Variants in SOX5 observed in about 807,000 individuals in gnomAD.
SOX5 encodes SRY-box transcription factor 5, also known as transcription factor SOX-5.
SOX5 carries 9 observed loss-of-function variants against 92.0 expected under a neutral mutation model. That is an observed-to-expected ratio of 0.10 (90% CI 0.06 to 0.17). The LOEUF (loss-of-function observed/expected upper bound fraction) is 0.17, where lower values mean the gene tolerates loss of function less well. Ranked by LOEUF, SOX5 falls within the 10% of genes least tolerant of loss-of-function variation. SOX5 has a pLI of 1.00. For synonymous variants in SOX5, 344 were observed against 336.3 expected, an observed-to-expected ratio of 1.02 and a Z score of -0.25; for missense variants, 642 against 944.5, an observed-to-expected ratio of 0.68 and a Z score of 4.20.
At chr12:24,375,103 G>C (rs1387192659) in intron 1 of SOX5, among the ~76,000 whole-genome samples, 1 of 151,940 alleles carries the variant, frequency 6.6e-6, no homozygotes, top group Non-Finnish European at 1.5e-5. Flanking sequence ...CTCCCGAGTA[G>C]CTGGAACTAC....
At chr12:24,264,748 T>G (rs1429100372) in intron 3 of SOX5, among the ~76,000 whole-genome samples, 1 of 152,210 alleles carries the variant, frequency 6.6e-6, no homozygotes, top group Non-Finnish European at 1.5e-5. Flanking sequence ...GCTCATGAGA[T>G]AACTGCTTCA....
rs567837659 is a variant in SOX5, at chr12:23,754,983, T to C, written c.568+655A>G. ...CCTACTAGCAACAAATAGAAAACTA[T>C]CATAGATTGCCTACTGTGTTTTGAG... On this transcript the variant is annotated intron_variant, in intron 4 of 14. Transcript: ENST00000451604. Among the ~76,000 whole-genome samples, 334 of 105,166 alleles carry C rather than the reference T, an allele frequency of 3.2e-3. 1 individual carries two copies. The highest frequency in any genetic ancestry group is 5.5e-3 in the Admixed American group (67 of 12,232). The allele number at this position is 105,166 out of a possible 152,430, so 69.0% of individuals were successfully genotyped here.
At chr12:24,465,206 C>T (rs1944091637) in intron 1 of SOX5, among the ~76,000 whole-genome samples, 1 of 152,212 alleles carries the variant, frequency 6.6e-6, no homozygotes. Context: ...CCCAAAACCA[C>T]ACAACTAATA....
At chr12:24,324,079 T>TAAG (rs1199659350) in intron 2 of SOX5, among the ~76,000 whole-genome samples, 1 of 152,182 alleles carries the variant, frequency 6.6e-6, no homozygotes, top group African/African-American at 2.4e-5. Flanking sequence ...TCCACGCTGC[T>TAAG]AAGAAGTAGA....
chr12:24,228,123 G>C (rs1008928291), intron 3 of SOX5, among the ~76,000 whole-genome samples: 1 of 152,188 alleles, frequency 6.6e-6, no homozygotes, highest in African/African-American at 2.4e-5. Context: ...GAGAGCTCTA[G>C]ATTTCCCTGT....
At chr12:24,367,276 CATT>C (rs1565999463) in intron 2 of SOX5, among the ~76,000 whole-genome samples, 2 of 152,238 alleles carry the variant, frequency 1.3e-5, no homozygotes, top group East Asian at 3.9e-4. Flanking sequence ...GAATATCCAT[CATT>C]AAGGCTGATT....
At chr12:24,496,463 G>C (rs74070906) in intron 1 of SOX5, among the ~76,000 whole-genome samples, 1 of 152,014 alleles carries the variant, frequency 6.6e-6, no homozygotes, top group African/African-American at 2.4e-5. Flanking sequence ...TTCACTCTTA[G>C]GTCTAAGGAA....
chr12:23,822,803 G>C (rs940125202), intron 3 of SOX5, among the ~76,000 whole-genome samples: 1 of 152,104 alleles, frequency 6.6e-6, no homozygotes, highest in Non-Finnish European at 1.5e-5. Flanking sequence ...GAATCTGGGT[G>C]CTCCTGTATT....
intron 1 of SOX5, among the ~76,000 whole-genome samples, chr12:24,379,099 C>A (rs1304794768): frequency 6.6e-6 from 1 of 152,204 alleles, no homozygotes; most frequent in Non-Finnish European, 1.5e-5. Context: ...TTCCAACATA[C>A]ACTGCACCCA....
intron 10 of SOX5, among the ~76,000 whole-genome samples, chr12:23,572,163 A>C (rs1948471714): frequency 2.6e-5 from 4 of 152,192 alleles, no homozygotes; most frequent in Admixed American, 2.6e-4. Context: ...GTCACTTTCT[A>C]TATTTGTAGC....
At chr12:23,551,426 C>A (rs1944193149) in intron 11 of SOX5, among the ~76,000 whole-genome samples, 1 of 151,784 alleles carries the variant, frequency 6.6e-6, no homozygotes, top group Non-Finnish European at 1.5e-5. Flanking sequence ...CATCTACCCA[C>A]ATAATATAAC....
In SOX5 at chr12:23,896,325, A is replaced by G. The variant is rs555747537; in HGVS notation, c.39-301T>C. Among the ~76,000 whole-genome samples, 6 of 152,290 alleles carry G rather than the reference A, an allele frequency of 3.9e-5. No individual in the cohort carries two copies. The East Asian group carries it at 1.2e-3, about 29-fold the overall frequency. On this transcript the variant is annotated intron_variant, in intron 1 of 14. Transcript: ENST00000451604. ...ATAATGAAAGACCATTCCATTTTAG[A>G]GGGAAGAAAAATACCCATCTAGTTT... is the stretch of plus-strand genomic sequence containing the variant.
intron 4 of SOX5, among the ~76,000 whole-genome samples, chr12:23,971,105 T>G: frequency 7.4e-6 from 1 of 135,818 alleles, no homozygotes; most frequent in African/African-American, 2.7e-5. Flanking sequence ...GCCATCTGAG[T>G]AGGTGTGTCA....
intron 4 of SOX5, among the ~76,000 whole-genome samples, chr12:24,018,280 C>T (rs1953890520): frequency 6.6e-6 from 1 of 152,154 alleles, no homozygotes; most frequent in Admixed American, 6.6e-5. Flanking sequence ...GCTGTTTTAT[C>T]ATTTGCTTAG....
chr12:24,537,790 C>T (rs1317004880), intron 1 of SOX5, among the ~76,000 whole-genome samples: 1 of 152,228 alleles, frequency 6.6e-6, no homozygotes, highest in Non-Finnish European at 1.5e-5. Flanking sequence ...TTTCTGCAGA[C>T]TATTTGTCCA....
At position 24,530,253 on chromosome 12, in the gene SOX5, G is replaced by A. The variant is rs149834513; in HGVS notation, c.-251+32076C>T. On this transcript the variant is annotated intron_variant, in intron 1 of 4. Coordinates refer to the SOX5 transcript ENST00000446891. The stretch of plus-strand genomic sequence containing the variant: ...ATTTTATTCTCACAAAAAATTCTAC[G>A]CACTAAACCTAATTTTACAGGCAAG... Among the ~76,000 whole-genome samples the A allele has an allele frequency of 1.5e-3, 227 of 152,136 alleles. 6 individuals carry two copies. The highest frequency in any genetic ancestry group is 0.013 in the Admixed American group (202 of 15,284).
At chr12:23,874,923 G>A (rs2096911678) in intron 2 of SOX5, among the ~76,000 whole-genome samples, 1 of 152,208 alleles carries the variant, frequency 6.6e-6, no homozygotes, top group Non-Finnish European at 1.5e-5. Flanking sequence ...ATAGGAATAT[G>A]CTGAGTGCAT....
intron 1 of SOX5, among the ~76,000 whole-genome samples, chr12:24,518,467 T>C (rs1383370163): frequency 6.6e-6 from 1 of 152,076 alleles, no homozygotes; most frequent in Non-Finnish European, 1.5e-5. Flanking sequence ...AAAAAAGAAG[T>C]GATAAAGAAC....
At chr12:24,077,772 C>CATATATAT (rs35914700) in intron 4 of SOX5, among the ~76,000 whole-genome samples, 3,539 of 116,666 alleles carry the variant, frequency 0.03, 110 homozygotes, top group Middle Eastern at 0.04. Flanking sequence ...AAGGTATTTT[C>CATATATAT]ATATATATAT....
Sources: gnomAD v4.1 joint callset for allele counts (sites outside exome capture counted in the v4.1 genomes callset) on GRCh38, gnomAD v4.1.1 for gene constraint, MANE v1.5 for transcripts, NCBI Gene and HGNC (gene_info 2026-07-23, HGNC 2026-07-21) for gene names.